The following DCC variants were observed in gnomAD, a reference collection of about 807,000 sequenced individuals.
The protein encoded by DCC is DCC netrin 1 receptor, also known as netrin receptor DCC.
In DCC, 58 loss-of-function variants were observed where a neutral mutation model predicts 172.5. The ratio of observed to expected loss-of-function variants is 0.34; its 90% CI spans 0.27 to 0.42. DCC has a LOEUF of 0.42. Among genes scored for constraint, DCC ranks in the 10% least tolerant of loss-of-function variants. The pLI, the probability that DCC is intolerant of heterozygous loss-of-function variation, is 1.00. For synonymous variants in DCC, 709 were observed against 644.5 expected, an observed-to-expected ratio of 1.10 and a Z score of -1.52; for missense variants, 1,740 against 1,791.0, an observed-to-expected ratio of 0.97 and a Z score of 0.51.
chr18:52,621,655 T>A (rs2034482762), intron 1 of DCC, among the ~76,000 whole-genome samples: 1 of 152,180 alleles, frequency 6.6e-6, no homozygotes, highest in Admixed American at 6.5e-5. Context: ...GGACACTCAC[T>A]GTAGCACACA....
At chr18:53,511,811 C>T (rs576994708) in intron 27 of DCC, among the ~76,000 whole-genome samples, 6 of 152,236 alleles carry the variant, frequency 3.9e-5, no homozygotes, top group Admixed American at 2.6e-4. Context: ...GAGGGTCCTA[C>T]GCCCACGGAG....
At chr18:52,744,782 A>G (rs924682513) in intron 1 of DCC, among the ~76,000 whole-genome samples, 8 of 152,184 alleles carry the variant, frequency 5.3e-5, no homozygotes, top group African/African-American at 1.4e-4. Flanking sequence ...TGGTTTTCCC[A>G]TCTAGAGACT....
intron 2 of DCC, among the ~76,000 whole-genome samples, chr18:52,794,987 A>G (rs2037845024): frequency 6.6e-6 from 1 of 151,954 alleles, no homozygotes; most frequent in Non-Finnish European, 1.5e-5. Context: ...CCCCTTAATC[A>G]TGATGTATTA....
At chr18:52,710,993 A>G (rs1463181916) in intron 1 of DCC, among the ~76,000 whole-genome samples, 2 of 152,160 alleles carry the variant, frequency 1.3e-5, no homozygotes, top group Non-Finnish European at 2.9e-5. Flanking sequence ...ATTTTATGTG[A>G]TAGGTTTGGA....
intron 1 of DCC, among the ~76,000 whole-genome samples, chr18:52,552,253 A>G (rs1212561376): frequency 1.3e-5 from 2 of 152,020 alleles, no homozygotes; most frequent in African/African-American, 4.8e-5. Context: ...GCAAAGCAAA[A>G]TGACCAGAGA....
intron 1 of DCC, among the ~76,000 whole-genome samples, chr18:52,382,576 G>A (rs113690601): frequency 2.6e-5 from 4 of 152,242 alleles, no homozygotes; most frequent in African/African-American, 9.6e-5. Flanking sequence ...GAAAGTTTTG[G>A]AAGTGAACCC....
chr18:52,568,156 G>T (rs2033206220), intron 1 of DCC, among the ~76,000 whole-genome samples: 3 of 152,110 alleles, frequency 2.0e-5, no homozygotes, highest in Admixed American at 2.0e-4. Flanking sequence ...GTTTATATTT[G>T]AAAATAAAAA....
chr18:52,412,725 G>A (rs1436708008), intron 1 of DCC, among the ~76,000 whole-genome samples: 6 of 152,156 alleles, frequency 3.9e-5, no homozygotes, highest in African/African-American at 1.4e-4. Context: ...CATTCTGATG[G>A]CATCTCCAGA....
intron 22 of DCC, among the ~76,000 whole-genome samples, chr18:53,444,016 T>G (rs991456092): frequency 1.1e-4 from 16 of 152,226 alleles, no homozygotes; most frequent in African/African-American, 3.6e-4. Context: ...TGAGATGAAA[T>G]CTACTGCTAG....
chr18:53,402,282 C>T (rs1909347863), intron 18 of DCC, among the ~76,000 whole-genome samples: 1 of 151,800 alleles, frequency 6.6e-6, no homozygotes, highest in African/African-American at 2.4e-5. Flanking sequence ...TCCGGCTACT[C>T]AGGAGGCTGA....
chr18:52,848,618 A>G (rs1401436270), intron 2 of DCC, among the ~76,000 whole-genome samples: 1 of 152,156 alleles, frequency 6.6e-6, no homozygotes, highest in African/African-American at 2.4e-5. Flanking sequence ...ATGTTTATTT[A>G]CAGTTGTCTT....
intron 1 of DCC, among the ~76,000 whole-genome samples, chr18:52,532,896 A>T (rs138244258): frequency 1.5e-3 from 234 of 152,198 alleles, no homozygotes; most frequent in African/African-American, 5.5e-3. Flanking sequence ...ATTGCAGAAC[A>T]TCTTCATCTC....
At chr18:53,507,883 C>A (rs2144512515) in intron 27 of DCC, among the ~76,000 whole-genome samples, 1 of 149,608 alleles carries the variant, frequency 6.7e-6, no homozygotes, top group East Asian at 2.0e-4. Flanking sequence ...AATTTTCTAA[C>A]AGATACCACT....
chr18:53,197,379 C>A (rs1201209892), intron 9 of DCC, among the ~76,000 whole-genome samples: 1 of 147,078 alleles, frequency 6.8e-6, no homozygotes, highest in Non-Finnish European at 1.5e-5. Context: ...ACTGCAATGA[C>A]AACACGTGAC....
intron 5 of DCC, among the ~76,000 whole-genome samples, chr18:52,986,266 T>A (rs932127504): frequency 2.0e-5 from 3 of 152,164 alleles, no homozygotes; most frequent in African/African-American, 7.2e-5. Flanking sequence ...ATCATTAAGT[T>A]TCTTTAGAGA....
chr18:52,726,461 C>G (rs192206811), intron 1 of DCC, among the ~76,000 whole-genome samples: 1 of 152,224 alleles, frequency 6.6e-6, no homozygotes, highest in Non-Finnish European at 1.5e-5. Context: ...CTGTTAGTCA[C>G]TTTTAAAAAG....
At chr18:52,909,491 T>C (rs906766136) in intron 3 of DCC, among the ~76,000 whole-genome samples, 8 of 152,174 alleles carry the variant, frequency 5.3e-5, no homozygotes, top group African/African-American at 1.9e-4. Flanking sequence ...TCATAAGAAG[T>C]GTTTGAATTT....
chr18:53,131,816 G>A (rs2043657152), intron 7 of DCC, among the ~76,000 whole-genome samples: 1 of 152,044 alleles, frequency 6.6e-6, no homozygotes, highest in South Asian at 2.1e-4. Context: ...TCATAGGTAG[G>A]TAGAGAATTG....
chr18:52,839,005 T>C (rs1335484567), intron 2 of DCC, among the ~76,000 whole-genome samples: 1 of 152,102 alleles, frequency 6.6e-6, no homozygotes, highest in African/African-American at 2.4e-5. Flanking sequence ...AGATAACAAA[T>C]TTACCTTGAC....
Sources: gnomAD v4.1 joint callset for allele counts (sites outside exome capture counted in the v4.1 genomes callset) on GRCh38, gnomAD v4.1.1 for gene constraint, MANE v1.5 for transcripts, NCBI Gene and HGNC (gene_info 2026-07-23, HGNC 2026-07-21) for gene names.